CRACDL: variants seen among roughly 807,000 people sequenced by gnomAD.
CRACDL encodes CRACD like.
A neutral mutation model predicts 70.6 loss-of-function variants in CRACDL; 26 were observed. The observed-to-expected ratio is 0.37, with a 90% confidence interval of 0.27 to 0.51. CRACDL has a LOEUF of 0.51. Ranked by LOEUF, CRACDL falls within the 20% of genes least tolerant of loss-of-function variation. The pLI is 0.94. For synonymous variants in CRACDL, 618 were observed against 615.2 expected, an observed-to-expected ratio of 1.00 and a Z score of -0.07; for missense variants, 1,283 against 1,376.9, an observed-to-expected ratio of 0.93 and a Z score of 1.08.
At chr2:98,842,777 T>C (rs1242356352) in intron 2 of CRACDL, among the ~76,000 whole-genome samples, 2 of 152,190 alleles carry the variant, frequency 1.3e-5, no homozygotes, top group Non-Finnish European at 2.9e-5. Context: ...CTCCATTGTG[T>C]GGATATACCA....
At chr2:98,926,126 C>G (rs1486936784) in intron 1 of CRACDL, among the ~76,000 whole-genome samples, 1 of 152,160 alleles carries the variant, frequency 6.6e-6, no homozygotes, top group Non-Finnish European at 1.5e-5. Context: ...ACACTTACCC[C>G]TCAAAATTGA....
At chr2:98,859,482 AG>A (rs1380695114) in intron 1 of CRACDL, among the ~76,000 whole-genome samples, 1 of 152,238 alleles carries the variant, frequency 6.6e-6, no homozygotes, top group Non-Finnish European at 1.5e-5. Context: ...GATTTGTTGA[AG>A]AATGCAAGGT....
At chr2:98,862,842 G>C (rs190554599) in intron 1 of CRACDL, among the ~76,000 whole-genome samples, 54 of 152,208 alleles carry the variant, frequency 3.5e-4, no homozygotes, top group Admixed American at 1.3e-3. Flanking sequence ...AGAAAGAGAA[G>C]AGAGAGAGAA....
intron 1 of CRACDL, among the ~76,000 whole-genome samples, chr2:98,848,709 C>G (rs187636613): frequency 7.2e-5 from 11 of 152,150 alleles, no homozygotes; most frequent in South Asian, 2.1e-4. Context: ...TCAGCCCCCC[C>G]ACAAATAGCT....
chr2:98,832,086 G>A (rs1705566469), intron 5 of CRACDL, among the ~76,000 whole-genome samples: 1 of 152,056 alleles, frequency 6.6e-6, no homozygotes, highest in Non-Finnish European at 1.5e-5. Flanking sequence ...CAAGGGACAG[G>A]GTTGATTCTG....
chr2:98,796,978 C>G (rs767086287), intron 8 of CRACDL, among the ~76,000 whole-genome samples: 1 of 152,158 alleles, frequency 6.6e-6, no homozygotes, highest in Non-Finnish European at 1.5e-5. Flanking sequence ...ATGGAGCTGT[C>G]GACATCATTG....
chr2:98,879,980 G>A (rs1707598606), intron 1 of CRACDL, among the ~76,000 whole-genome samples: 2 of 152,232 alleles, frequency 1.3e-5, no homozygotes, highest in Non-Finnish European at 2.9e-5. Flanking sequence ...TGCCTCATGG[G>A]TCATAACTGG....
intron 1 of CRACDL, among the ~76,000 whole-genome samples, chr2:98,898,214 C>G (rs1708178726): frequency 6.6e-6 from 1 of 152,244 alleles, no homozygotes; most frequent in South Asian, 2.1e-4. Context: ...AACTCTCAGA[C>G]AGTATTTCAC....
chr2:98,820,000 A>G (rs1013064336), intron 7 of CRACDL, among the ~76,000 whole-genome samples: 30 of 151,212 alleles, frequency 2.0e-4, no homozygotes, highest in African/African-American at 7.3e-4. Context: ...TTGTATTTTT[A>G]GTAGAGATGG....
At chr2:98,854,119 T>C (rs1319824631) in intron 1 of CRACDL, among the ~76,000 whole-genome samples, 2 of 151,606 alleles carry the variant, frequency 1.3e-5, no homozygotes, top group East Asian at 3.9e-4. Context: ...TCATCTCTAC[T>C]AAAAATACAA....
At chr2:98,905,219 C>T (rs1708378692) in intron 1 of CRACDL, among the ~76,000 whole-genome samples, 1 of 143,978 alleles carries the variant, frequency 6.9e-6, no homozygotes, top group African/African-American at 2.6e-5. Context: ...CACTGCACTC[C>T]AGCCTGGGTG....
At chr2:98,819,427 A>C (rs978098617) in intron 7 of CRACDL, among the ~76,000 whole-genome samples, 3 of 152,194 alleles carry the variant, frequency 2.0e-5, no homozygotes, top group African/African-American at 4.8e-5. Context: ...ATCACTCTAC[A>C]ATAGCTTCAA....
intron 1 of CRACDL, among the ~76,000 whole-genome samples, chr2:98,888,613 C>T (rs1162307683): frequency 2.0e-5 from 3 of 152,082 alleles, no homozygotes; most frequent in Admixed American, 6.5e-5. Flanking sequence ...ACAAAAAAGA[C>T]ATGAAATGTA....
intron 7 of CRACDL, among the ~76,000 whole-genome samples, chr2:98,820,076 C>A (rs1015000245): frequency 6.6e-6 from 1 of 151,594 alleles, no homozygotes; most frequent in Non-Finnish European, 1.5e-5. Context: ...CCTCGGCGTC[C>A]CAAAGTGCTG....
chr2:98,884,655 A>G (rs1267001300), intron 1 of CRACDL, among the ~76,000 whole-genome samples: 1 of 152,212 alleles, frequency 6.6e-6, no homozygotes, highest in Non-Finnish European at 1.5e-5. Context: ...ATGAGGGTGG[A>G]GCCCTCACAA....
intron 1 of CRACDL, among the ~76,000 whole-genome samples, chr2:98,928,559 G>T (rs1708991705): frequency 6.6e-6 from 1 of 151,950 alleles, no homozygotes; most frequent in Admixed American, 6.6e-5. Flanking sequence ...TGGTCTATAG[G>T]GCTTCCTCCC....
intron 1 of CRACDL, among the ~76,000 whole-genome samples, chr2:98,853,736 G>A (rs868603018): frequency 6.6e-6 from 1 of 152,148 alleles, no homozygotes; most frequent in African/African-American, 2.4e-5. Flanking sequence ...TAACATAAAG[G>A]TAGGAGTTGT....
chr2:98,866,475 C>CTTTTTTTTTTTTTTTTTTT (rs1173322192), intron 1 of CRACDL, among the ~76,000 whole-genome samples: 2 of 43,232 alleles, frequency 4.6e-5, no homozygotes, highest in African/African-American at 2.0e-4. Flanking sequence ...ATCACTTCTT[C>CTTTTTTTTTTTTTTTTTTT]TTTTTTTTTT....
At chr2:98,893,663 G>A (rs139286029) in intron 1 of CRACDL, among the ~76,000 whole-genome samples, 1,563 of 152,188 alleles carry the variant, frequency 0.01, 14 homozygotes, top group Admixed American at 0.024. Flanking sequence ...TTTATCTCTG[G>A]GGAAGGGATT....
Sources: gnomAD v4.1 joint callset for allele counts (sites outside exome capture counted in the v4.1 genomes callset) on GRCh38, gnomAD v4.1.1 for gene constraint, MANE v1.5 for transcripts, NCBI Gene and HGNC (gene_info 2026-07-23, HGNC 2026-07-21) for gene names.